The following ADAMTSL3 variants were observed in gnomAD, a reference collection of about 807,000 sequenced individuals.
The protein encoded by ADAMTSL3 is ADAMTS like 3.
Under a neutral mutation model 201.7 loss-of-function variants are expected in ADAMTSL3, and 128 were observed. The observed-to-expected ratio is 0.63, with a 90% CI of 0.55 to 0.73. The LOEUF is 0.73. Ranked by LOEUF, ADAMTSL3 falls within the 30% of genes least tolerant of loss-of-function variation. ADAMTSL3 has a pLI of 0.00. For missense variants in ADAMTSL3, 1,990 were observed against 2,119.6 expected (o/e 0.94, Z 1.20); for synonymous variants, 738 against 748.4 (o/e 0.99, Z 0.23).
chr15:83,853,938 A>G lies in ADAMTSL3; in HGVS notation c.728-4828A>G, dbSNP rs1032047780. Among the ~76,000 whole-genome samples, 3 of 151,912 alleles carry G rather than the reference A, an allele frequency of 2.0e-5. No homozygotes were observed. The East Asian group carries it at 5.8e-4, about 29-fold the overall frequency. ...TATCTATCTATCTATCTATCTATCT[A>G]TCTATCTATCTATCTATCTAATTCC... is the stretch of plus-strand genomic sequence containing the variant. On this transcript the variant is annotated intron_variant, in intron 7 of 29. Coordinates refer to ENST00000286744, the MANE Select transcript of ADAMTSL3 (RefSeq NM_207517.3).
At chr15:83,984,152 T>C (rs2067435521) in intron 21 of ADAMTSL3, among the ~76,000 whole-genome samples, 1 of 152,252 alleles carries the variant, frequency 6.6e-6, no homozygotes, top group South Asian at 2.1e-4. Flanking sequence ...GCTGTTTGTA[T>C]ACAAAGTACT....
intron 23 of ADAMTSL3, among the ~76,000 whole-genome samples, chr15:84,013,538 G>C (rs2068038883): frequency 6.6e-6 from 1 of 152,172 alleles, no homozygotes; most frequent in Non-Finnish European, 1.5e-5. Context: ...GCAGTGGGAG[G>C]CTGAGGCGGG....
At chr15:83,656,289 C>G (rs2061082158) in intron 2 of ADAMTSL3, among the ~76,000 whole-genome samples, 1 of 152,232 alleles carries the variant, frequency 6.6e-6, no homozygotes, top group Admixed American at 6.5e-5. Flanking sequence ...CTTCTGCTGT[C>G]TTTTCCAACC....
At chr15:83,840,413 A>G (rs72746969) in intron 7 of ADAMTSL3, among the ~76,000 whole-genome samples, 5,817 of 152,342 alleles carry the variant, frequency 0.038, 139 homozygotes, top group Middle Eastern at 0.061. Flanking sequence ...CAATGGATTG[A>G]TAAGTGAAGA....
chr15:83,741,619 A>C (rs1429704372), intron 3 of ADAMTSL3, among the ~76,000 whole-genome samples: 1 of 152,238 alleles, frequency 6.6e-6, no homozygotes, highest in African/African-American at 2.4e-5. Context: ...TATTTGAAGA[A>C]ATTATAATCA....
At chr15:83,667,862 T>C (rs2061270524) in intron 2 of ADAMTSL3, among the ~76,000 whole-genome samples, 1 of 151,904 alleles carries the variant, frequency 6.6e-6, no homozygotes, top group Non-Finnish European at 1.5e-5. Context: ...GGTGGGTGGG[T>C]GGAAGAGCAA....
At chr15:83,714,722 T>C (rs1232432221) in intron 3 of ADAMTSL3, among the ~76,000 whole-genome samples, 1 of 122,622 alleles carries the variant, frequency 8.2e-6, no homozygotes, top group Non-Finnish European at 1.8e-5. Flanking sequence ...CCCTCTTTCT[T>C]TCTTTTTCTC....
At chr15:83,738,565 AGTT>A (rs2062404697) in intron 3 of ADAMTSL3, among the ~76,000 whole-genome samples, 1 of 152,188 alleles carries the variant, frequency 6.6e-6, no homozygotes, top group Non-Finnish European at 1.5e-5. Flanking sequence ...TTAATTATAA[AGTT>A]GTTAAATTTT....
chr15:83,793,715 G>C (rs748178945), intron 4 of ADAMTSL3, among the ~76,000 whole-genome samples: 53 of 152,236 alleles, frequency 3.5e-4, no homozygotes, highest in Non-Finnish European at 6.8e-4. Context: ...GACCTCAAGT[G>C]ATCTGCCTGC....
intron 9 of ADAMTSL3, among the ~76,000 whole-genome samples, chr15:83,878,842 G>GT (rs1354005556): frequency 3.3e-5 from 5 of 151,844 alleles, no homozygotes; most frequent in Non-Finnish European, 7.4e-5. Context: ...GTTTAGAAGT[G>GT]TTTCCTCTTA....
At chr15:83,697,011 T>TA (rs1032917752) in intron 2 of ADAMTSL3, among the ~76,000 whole-genome samples, 4 of 152,152 alleles carry the variant, frequency 2.6e-5, no homozygotes, top group African/African-American at 9.7e-5. Context: ...AGCGGTGTGA[T>TA]ATTTGGCTGT....
intron 4 of ADAMTSL3, among the ~76,000 whole-genome samples, chr15:83,804,133 ACT>A (rs2063565942): frequency 7.1e-6 from 1 of 141,306 alleles, no homozygotes; most frequent in African/African-American, 2.5e-5. Flanking sequence ...ACAGAGTGAG[ACT>A]CTGTCTCAAA....
chr15:83,756,743 A>G (rs897831900), intron 3 of ADAMTSL3, among the ~76,000 whole-genome samples: 8 of 152,212 alleles, frequency 5.3e-5, no homozygotes, highest in African/African-American at 1.7e-4. Flanking sequence ...ACTTCTGCCT[A>G]TGAGCCTGTA....
intron 2 of ADAMTSL3, among the ~76,000 whole-genome samples, chr15:83,668,633 C>T (rs890437612): frequency 1.3e-5 from 2 of 152,064 alleles, no homozygotes; most frequent in Non-Finnish European, 2.9e-5. Flanking sequence ...CCTTTAAACT[C>T]ATATTTCTAC....
intron 8 of ADAMTSL3, among the ~76,000 whole-genome samples, chr15:83,867,146 A>G (rs2064995939): frequency 6.6e-6 from 1 of 152,232 alleles, no homozygotes; most frequent in African/African-American, 2.4e-5. Flanking sequence ...TTTTGCAGTA[A>G]TAAATCATTC....
intron 2 of ADAMTSL3, among the ~76,000 whole-genome samples, 162 bp downstream of exon 2, chr15:83,655,992 T>A (rs1278363103): frequency 6.6e-6 from 1 of 152,202 alleles, no homozygotes; most frequent in East Asian, 1.9e-4. Flanking sequence ...CTGGTTGGCT[T>A]AGCTGTAAGG....
At chr15:83,887,937 A>G (rs1243327031) in intron 10 of ADAMTSL3, among the ~76,000 whole-genome samples, 1 of 152,170 alleles carries the variant, frequency 6.6e-6, no homozygotes, top group Non-Finnish European at 1.5e-5. Context: ...TCTTACACAT[A>G]GTCATTCAGA....
chr15:84,011,446 T>G (rs2068004604), intron 23 of ADAMTSL3, among the ~76,000 whole-genome samples: 1 of 152,140 alleles, frequency 6.6e-6, no homozygotes, highest in Non-Finnish European at 1.5e-5. Context: ...AACAGAAAAT[T>G]TGTTTCTTAC....
intron 17 of ADAMTSL3, among the ~76,000 whole-genome samples, chr15:83,929,624 T>G (rs1052523470): frequency 7.2e-5 from 11 of 151,916 alleles, no homozygotes; most frequent in Non-Finnish European, 1.5e-4. Flanking sequence ...TAACAGCATA[T>G]AAATGCCTTT....
Sources: allele counts gnomAD v4.1 joint callset (sites outside exome capture counted in the v4.1 genomes callset), GRCh38; gene constraint gnomAD v4.1.1; transcripts MANE v1.5; gene names NCBI Gene and HGNC (gene_info 2026-07-23, HGNC 2026-07-21).